The following ABLIM1 variants were observed in gnomAD, a reference collection of about 807,000 sequenced individuals.
The protein encoded by ABLIM1 is actin-binding LIM protein 1.
ABLIM1 carries 40 observed loss-of-function variants against 107.0 expected under a neutral mutation model. The observed-to-expected ratio is 0.37, with a 90% CI of 0.29 to 0.49. The LOEUF is 0.49. Among genes scored for constraint, ABLIM1 ranks in the 20% least tolerant of loss-of-function variants. The pLI is 0.97. For missense variants in ABLIM1, 857 were observed against 1,008.5 expected (o/e 0.85, Z 2.04); for synonymous variants, 357 against 357.3 (o/e 1.00, Z 0.01).
intron 6 of ABLIM1, among the ~76,000 whole-genome samples, chr10:114,531,010 C>A (rs1390274554): frequency 1.3e-5 from 2 of 152,160 alleles, no homozygotes; most frequent in East Asian, 3.8e-4. Flanking sequence ...AAAAATACAC[C>A]ATGAAACAAT....
chr10:114,644,351 C>CAATTGTATATATACAT (rs1555214920), intron 1 of ABLIM1, among the ~76,000 whole-genome samples: 1 of 103,910 alleles, frequency 9.6e-6, no homozygotes, highest in African/African-American at 4.1e-5. Flanking sequence ...TGTATATATA[C>CAATTGTATATATACAT]ATATATATAT....
the ABLIM1 span, among the ~76,000 whole-genome samples, chr10:114,789,949 C>T: frequency 3.9e-5 from 6 of 152,248 alleles, no homozygotes; most frequent in Admixed American, 1.3e-4. Flanking sequence ...CATGCCACCA[C>T]GCCCAGCTAA....
upstream of ABLIM1, among the ~76,000 whole-genome samples, chr10:114,659,931 T>C (rs2079713857): frequency 1.3e-5 from 2 of 152,240 alleles, no homozygotes; most frequent in African/African-American, 2.4e-5. Flanking sequence ...AAGGAAATTC[T>C]TGCTTCTTTT....
At chr10:114,686,216 G>T, upstream of ABLIM1, among the ~76,000 whole-genome samples, 1 of 152,026 alleles carries the variant, frequency 6.6e-6, no homozygotes. Context: ...ATTTATTATA[G>T]TCAAGAAACT....
chr10:114,480,153 T>C (rs543267701), intron 8 of ABLIM1, among the ~76,000 whole-genome samples: 1 of 152,252 alleles, frequency 6.6e-6, no homozygotes, highest in Non-Finnish European at 1.5e-5. Flanking sequence ...TCGTGACATG[T>C]AACTGATGAT....
At chr10:114,444,252 T>C in intron 16 of ABLIM1, 118 bp from the exon 17 acceptor site, 4 of 812,692 alleles carry the variant, frequency 4.9e-6, no homozygotes, top group Non-Finnish European at 7.6e-6. Flanking sequence ...CTGGAGGGCC[T>C]GAATGCATGT....
At chr10:114,562,721 AC>A (rs2069939104) in intron 4 of ABLIM1, among the ~76,000 whole-genome samples, 1 of 152,140 alleles carries the variant, frequency 6.6e-6, no homozygotes, top group Admixed American at 6.5e-5. Flanking sequence ...CAGCAATCAG[AC>A]CTCACCATTC....
intron 12 of ABLIM1, among the ~76,000 whole-genome samples, chr10:114,459,334 C>A (rs1246753977): frequency 5.3e-5 from 8 of 152,234 alleles, no homozygotes; most frequent in Non-Finnish European, 7.3e-5. Flanking sequence ...CCACAAAAAA[C>A]CCTGGAAGAC....
chr10:114,677,269 A>C (rs1340311820), intron 1 of ABLIM1, among the ~76,000 whole-genome samples: 1 of 152,198 alleles, frequency 6.6e-6, no homozygotes, highest in Non-Finnish European at 1.5e-5. Flanking sequence ...AGTGAAATGA[A>C]TGAAATAAAA....
chr10:114,503,771 T>A (rs2060753669), intron 6 of ABLIM1, among the ~76,000 whole-genome samples: 1 of 152,216 alleles, frequency 6.6e-6, no homozygotes, highest in Non-Finnish European at 1.5e-5. Flanking sequence ...CTCTGTGAAG[T>A]GAATGATCTT....
At position 114,491,652 on chromosome 10, in the gene ABLIM1, T is replaced by C; in HGVS notation, c.982+139A>G. 9 of 728,328 alleles carry C rather than the reference T, an allele frequency of 1.2e-5. No homozygotes were observed. The South Asian group carries it at 1.6e-4, about 13-fold the overall frequency. 45.1% of individuals were successfully genotyped at this position (728,328 alleles called of 1,614,324 possible). A position where few individuals can be genotyped will look rare whatever the true frequency, so the allele number is the denominator to read the frequency against. On this transcript the variant is annotated intron_variant, in intron 7 of 22. Transcript: ENST00000533213. ...GATTAATACTAACTGATGAGGTAACTTTTGGCCATAATCTTCTTGGATTTG... is the reference window on the plus strand; with the variant it reads ...GATTAATACTAACTGATGAGGTAACCTTTGGCCATAATCTTCTTGGATTTG...
rs79785204 is a variant in ABLIM1 at position 114,513,365 on chromosome 10, A to C, written c.895-21487T>G. On this transcript the variant is annotated intron_variant, in intron 6 of 22. Transcript: ENST00000533213. Reference sequence around the variant, plus strand: ...GCTATAATGGCTCAGAACAGGAAGAAATTAGCTTCATTTCAGTAACAGCCA... The same window carrying C: ...GCTATAATGGCTCAGAACAGGAAGACATTAGCTTCATTTCAGTAACAGCCA... Among the ~76,000 whole-genome samples the C allele has an allele frequency of 2.9e-3, 444 of 152,354 alleles. 5 individuals are homozygous for C. The highest frequency in any genetic ancestry group is 9.9e-3 in the African/African-American group (412 of 41,590).
chr10:114,485,078 T>C (rs775271576), intron 8 of ABLIM1, among the ~76,000 whole-genome samples: 2 of 152,266 alleles, frequency 1.3e-5, no homozygotes, highest in South Asian at 2.1e-4. Flanking sequence ...ATGTGCTTGC[T>C]TGAACAGACA....
the ABLIM1 span, among the ~76,000 whole-genome samples, chr10:114,790,918 A>G: frequency 2.0e-5 from 3 of 152,148 alleles, no homozygotes; most frequent in Non-Finnish European, 4.4e-5. Flanking sequence ...AATTAAAATT[A>G]CATGTATTTG....
chr10:114,606,224 G>A (rs936612626), intron 1 of ABLIM1, among the ~76,000 whole-genome samples: 2 of 152,020 alleles, frequency 1.3e-5, no homozygotes, highest in African/African-American at 4.8e-5. Context: ...CTGTGACAGA[G>A]TCCAATTTTT....
At chr10:114,794,192 CAT>C in the ABLIM1 span, among the ~76,000 whole-genome samples, 1 of 152,222 alleles carries the variant, frequency 6.6e-6, no homozygotes. Context: ...GTCCCAGATA[CAT>C]ACATAGCTTG....
At chr10:114,451,497 CATA>C in intron 14 of ABLIM1, 124 bp downstream of exon 14, 1 of 854,670 alleles carries the variant, frequency 1.2e-6, no homozygotes, top group Non-Finnish European at 2.0e-6. Flanking sequence ...ACCAGAAAGG[CATA>C]ATATGCTGGA....
chr10:114,627,447 G>A (rs1261479427), intron 1 of ABLIM1, among the ~76,000 whole-genome samples: 1 of 152,054 alleles, frequency 6.6e-6, no homozygotes, highest in Non-Finnish European at 1.5e-5. Context: ...TCCTCGACAG[G>A]TGGTAAAGAA....
chr10:114,593,801 T>C (rs141792367), intron 2 of ABLIM1, among the ~76,000 whole-genome samples: 32 of 16,658 alleles, frequency 1.9e-3, no homozygotes, highest in Non-Finnish European at 3.2e-3. Context: ...TAAGCAGTGT[T>C]ATTTTGGAAA....
Sources: allele counts gnomAD v4.1 joint callset (sites outside exome capture counted in the v4.1 genomes callset), GRCh38; gene constraint gnomAD v4.1.1; transcripts MANE v1.5; gene names NCBI Gene and HGNC (gene_info 2026-07-23, HGNC 2026-07-21).